Variants in TNIK observed in about 807,000 individuals in gnomAD.
TNIK encodes the protein TRAF2 and NCK interacting kinase.
In TNIK, 49 loss-of-function variants were observed where a neutral mutation model predicts 191.3. That is an observed-to-expected ratio of 0.26 (90% confidence interval 0.20 to 0.32). The LOEUF is 0.32. Among genes scored for constraint, TNIK ranks in the 10% least tolerant of loss-of-function variants. The pLI, the probability that TNIK is intolerant of heterozygous loss-of-function variation, is 1.00. For synonymous variants in TNIK, 594 were observed against 600.9 expected (o/e 0.99, Z 0.17); for missense variants, 1,155 against 1,702.3 (o/e 0.68, Z 5.66).
chr3:171,228,096 G>A, intron 3 of TNIK, 69 bp downstream of exon 3: 1 of 1,522,816 alleles, frequency 6.6e-7, no homozygotes, highest in Non-Finnish European at 9.1e-7. Context: ...GGGCCTATCA[G>A]GATGTGAACT....
intron 1 of TNIK, among the ~76,000 whole-genome samples, chr3:171,420,849 T>C (rs1723707491): frequency 1.3e-5 from 2 of 152,216 alleles, no homozygotes; most frequent in South Asian, 2.1e-4. Context: ...CAGCATCTAT[T>C]GTGTGGATAC....
At chr3:171,422,170 T>C (rs1247654850) in intron 1 of TNIK, among the ~76,000 whole-genome samples, 1 of 152,188 alleles carries the variant, frequency 6.6e-6, no homozygotes, top group African/African-American at 2.4e-5. Flanking sequence ...GAACATCCTG[T>C]AAAGTCAGTT....
intron 2 of TNIK, among the ~76,000 whole-genome samples, chr3:171,294,646 G>A (rs938111506): frequency 5.9e-5 from 9 of 151,980 alleles, no homozygotes; most frequent in Non-Finnish European, 8.8e-5. Flanking sequence ...ACTTGAACCC[G>A]GGAAACGGAG....
intron 22 of TNIK, among the ~76,000 whole-genome samples, chr3:171,096,415 C>G (rs537877258): frequency 1.3e-5 from 2 of 152,140 alleles, no homozygotes; most frequent in African/African-American, 2.4e-5. Flanking sequence ...ACAGGATAAA[C>G]TTGAAGCTCC....
intron 2 of TNIK, among the ~76,000 whole-genome samples, chr3:171,288,590 C>T (rs911599751): frequency 6.6e-6 from 1 of 151,834 alleles, no homozygotes; most frequent in East Asian, 1.9e-4. Flanking sequence ...GGGCAGATCA[C>T]AAGGTCAGGA....
chr3:171,192,016 A>C (rs1393665366), intron 5 of TNIK, among the ~76,000 whole-genome samples: 2 of 152,168 alleles, frequency 1.3e-5, no homozygotes, highest in African/African-American at 4.8e-5. Flanking sequence ...GGTATGAAAA[A>C]TGAGGTTGAC....
intron 2 of TNIK, among the ~76,000 whole-genome samples, chr3:171,290,308 G>A (rs1487819366): frequency 1.3e-5 from 2 of 152,094 alleles, no homozygotes; most frequent in Admixed American, 1.3e-4. Flanking sequence ...ATGGGAAGAG[G>A]TTCAAATCCA....
rs1717736521 is a variant in TNIK at position 171,060,719 on chromosome 3, G to C, written c.*3162C>G. ...GGGGGAAGAGCCTCATTATTTGAAG[G>C]AACTTCACTGGTCATCCATTCCTAC... On this transcript the variant is annotated 3_prime_UTR_variant, in exon 33 of 33. Transcript: ENST00000436636. Among the ~76,000 whole-genome samples, 1 of 152,156 alleles carries C rather than the reference G, an allele frequency of 6.6e-6. No individual in the cohort carries two copies. The highest frequency in any genetic ancestry group is 6.5e-5 in the Admixed American group (1 of 15,272).
At chr3:171,081,071 G>T (rs1720612380) in intron 27 of TNIK, among the ~76,000 whole-genome samples, 1 of 152,166 alleles carries the variant, frequency 6.6e-6, no homozygotes, top group Non-Finnish European at 1.5e-5. Context: ...GAATTTTCTG[G>T]TTGCATTCCC....
At chr3:171,136,250 C>T (rs559299235) in intron 15 of TNIK, among the ~76,000 whole-genome samples, 5 of 152,106 alleles carry the variant, frequency 3.3e-5, no homozygotes, top group Non-Finnish European at 7.4e-5. Flanking sequence ...AAGGGGAGGT[C>T]GCTTAGCGAT....
intron 8 of TNIK, 148 bp downstream of exon 8, chr3:171,177,178 A>T: frequency 4.8e-6 from 3 of 628,972 alleles, no homozygotes; most frequent in Non-Finnish European, 7.4e-6. Flanking sequence ...TGGTTGATTT[A>T]AGATGACTCT....
Position 171,460,213 on chromosome 3 carries a change from C to G in TNIK, c.-150G>C. 1 of 968,028 alleles carries G rather than the reference C, an allele frequency of 1.0e-6. No individual in the cohort carries two copies. The highest frequency in any genetic ancestry group is 1.5e-6 in the Non-Finnish European group (1 of 651,938). The allele number at this position is 968,028 out of a possible 1,614,324, so 60.0% of individuals were successfully genotyped here. ...TCCCCCGCCCACCCCAGCCCCACAG[C>G]GCCGGATCCCGATCCTCCGCGCGTC... On this transcript the variant is annotated 5_prime_UTR_variant, in exon 1 of 33. Coordinates refer to ENST00000436636, the MANE Select transcript of TNIK (RefSeq NM_015028.4). This position sits in a 1 kb window ranked among gnomAD's most constrained non-coding sequence, Gnocchi z 6.8.
chr3:171,163,112 A>T (rs1042917910), intron 10 of TNIK, among the ~76,000 whole-genome samples: 24 of 152,232 alleles, frequency 1.6e-4, no homozygotes, highest in Non-Finnish European at 3.1e-4. Context: ...TAATATGTTC[A>T]GGAAACAATG....
Position 171,381,167 on chromosome 3 carries a change from G to T in TNIK, c.58-11482C>A, listed in dbSNP as rs540549281. 6.6e-5 allele frequency among the ~76,000 whole-genome samples: 10 copies of T among 152,166 alleles called. No individual in the cohort carries two copies. The South Asian group carries it at 2.1e-3, about 32-fold the overall frequency. On this transcript the variant is annotated intron_variant, in intron 1 of 32. Coordinates refer to ENST00000436636, the MANE Select transcript of TNIK (RefSeq NM_015028.4). ...AGGCAGATAACATTTTGGAACGGGG[G>T]ATTTATACCATCTGTTCAAGGATCT...
At chr3:171,249,920 G>A (rs914966533) in intron 2 of TNIK, among the ~76,000 whole-genome samples, 3 of 152,110 alleles carry the variant, frequency 2.0e-5, no homozygotes, top group Non-Finnish European at 4.4e-5. Flanking sequence ...CAACTTGTCA[G>A]GCTAAGGTTT....
In TNIK at chr3:171,108,152, C is replaced by A. The variant is rs775854166; in HGVS notation, c.2295G>T (p.Lys765Asn). ...GGGGGAGCACAGGTGATCCTTCTGA[C>A]TTACTGTTGGCTAGAGGAAAAAAAC... The part of the protein sequence containing the change: ...SERTRVRANS[K>N]SEGSPVLPHE... Residue 765 changes from lysine to asparagine, a missense_variant, in exon 20 of 33, where the codon AAG becomes AAT. This residue lies in a region of TNIK where 735 missense variants were observed against 848.0 expected (regional missense o/e 0.87). Coordinates refer to ENST00000436636, the MANE Select transcript of TNIK (RefSeq NM_015028.4). The A allele has an allele frequency of 6.4e-7, 1 of 1,556,254 alleles. No individual in the cohort carries two copies. Among genetic ancestry groups the A allele is most frequent in the South Asian group, 1.2e-5 (1 of 82,650 alleles).
chr3:171,183,879 C>G (rs1363176885), intron 7 of TNIK, among the ~76,000 whole-genome samples: 1 of 144,558 alleles, frequency 6.9e-6, no homozygotes, highest in African/African-American at 2.6e-5. Flanking sequence ...CGAGATCGTG[C>G]CACTGCATTC....
chr3:171,302,737 G>A (rs1011930126), intron 2 of TNIK, among the ~76,000 whole-genome samples: 8 of 152,188 alleles, frequency 5.3e-5, no homozygotes, highest in Non-Finnish European at 8.8e-5. Flanking sequence ...AGAAAAATCA[G>A]AAGGTGTTAA....
At chr3:171,340,425 T>C (rs1291209486) in intron 2 of TNIK, among the ~76,000 whole-genome samples, 1 of 152,226 alleles carries the variant, frequency 6.6e-6, no homozygotes, top group Non-Finnish European at 1.5e-5. Context: ...TAACCTGTGA[T>C]TATCAGTAAA....
Sources: gnomAD v4.1 joint callset for allele counts (sites outside exome capture counted in the v4.1 genomes callset) on GRCh38, gnomAD v4.1.1 for gene constraint, gnomAD v4.1.1 regional missense constraint, Gnocchi (gnomAD v3.1) non-coding constraint, MANE v1.5 for transcripts, NCBI Gene and HGNC (gene_info 2026-07-23, HGNC 2026-07-21) for gene names.